The following ARHGAP6 variants were observed in gnomAD, a reference collection of about 807,000 sequenced individuals.
ARHGAP6 encodes Rho GTPase activating protein 6.
A neutral mutation model predicts 55.7 loss-of-function variants in ARHGAP6; 16 were observed. The observed-to-expected ratio is 0.29, with a 90% CI of 0.19 to 0.44. The LOEUF (loss-of-function observed/expected upper bound fraction) is 0.44. Among genes scored for constraint, ARHGAP6 ranks in the 20% least tolerant of loss-of-function variants. The pLI is 1.00. For synonymous variants in ARHGAP6, 382 were observed against 360.9 expected, an observed-to-expected ratio of 1.06 and a Z score of -0.66; for missense variants, 698 against 808.9, an observed-to-expected ratio of 0.86 and a Z score of 1.66.
intron 1 of ARHGAP6, among the ~76,000 whole-genome samples, chrX:11,346,922 AAAAC>A (rs762899705): frequency 0.04 from 4,375 of 108,317 alleles, 108 homozygotes; most frequent in Admixed American, 0.088. Context: ...TTTCTCTTGA[AAAAC>A]AAACAAACAA....
chrX:11,640,974 T>A (rs1426270548), intron 1 of ARHGAP6, among the ~76,000 whole-genome samples: 1 of 111,429 alleles, frequency 9.0e-6, no homozygotes, highest in African/African-American at 3.3e-5. Context: ...TTAAGGCAGT[T>A]TTACATCACA....
chrX:11,515,514 AG>A (rs111653218), intron 1 of ARHGAP6, among the ~76,000 whole-genome samples: 10,619 of 111,182 alleles, frequency 0.096, 602 homozygotes, highest in African/African-American at 0.2. Context: ...TAACAACCAA[AG>A]CTTTCCCTCA....
chrX:11,653,490 C>T (rs139185834), intron 1 of ARHGAP6, among the ~76,000 whole-genome samples: 1 of 112,628 alleles, frequency 8.9e-6, no homozygotes, highest in East Asian at 2.8e-4. Flanking sequence ...AGTAGGTGCA[C>T]GATAACTATT....
rs1016005838 is a variant in ARHGAP6, at chrX:11,630,095, G to A, written c.588+34146C>T. 3.6e-5 allele frequency among the ~76,000 whole-genome samples: 4 copies of A among 110,961 alleles called. No homozygotes were observed. The Admixed American group carries it at 3.9e-4, about 11-fold the overall frequency. On this transcript the variant is annotated intron_variant, in intron 1 of 12. Coordinates refer to ENST00000337414, the MANE Select transcript of ARHGAP6 (RefSeq NM_013427.3). ...AGTTTCTGTTGTCTCAAAGTGACAAGCAATGGGTGGAAAGCTTTTGGGATA... is the reference window on the plus strand; with the variant it reads ...AGTTTCTGTTGTCTCAAAGTGACAAACAATGGGTGGAAAGCTTTTGGGATA...
chrX:11,604,903 G>A (rs192571823), intron 1 of ARHGAP6, among the ~76,000 whole-genome samples: 278 of 111,982 alleles, frequency 2.5e-3, no homozygotes, highest in Non-Finnish European at 3.2e-3. Context: ...CCCTTTCAGA[G>A]GAAGTGTAAT....
chrX:11,494,241 A>G (rs2050600623), intron 1 of ARHGAP6, among the ~76,000 whole-genome samples: 1 of 112,195 alleles, frequency 8.9e-6, no homozygotes, highest in Non-Finnish European at 1.9e-5. Flanking sequence ...GAACCACTGC[A>G]TTAAATGAAC....
intron 2 of ARHGAP6, among the ~76,000 whole-genome samples, chrX:11,240,257 A>C (rs772701682): frequency 8.9e-5 from 10 of 112,462 alleles, no homozygotes; most frequent in African/African-American, 2.9e-4. Flanking sequence ...TGAATTCAAA[A>C]TTGCTCCTTC....
intron 1 of ARHGAP6, among the ~76,000 whole-genome samples, chrX:11,526,781 CTTGTG>C (rs1174767789): frequency 9.0e-6 from 1 of 111,397 alleles, no homozygotes; most frequent in Non-Finnish European, 1.9e-5. Flanking sequence ...TTAGATGCTA[CTTGTG>C]TTGTGAAAAT....
At chrX:11,297,300 C>T (rs186211236) in intron 1 of ARHGAP6, among the ~76,000 whole-genome samples, 127 of 111,961 alleles carry the variant, frequency 1.1e-3, no homozygotes, top group African/African-American at 3.8e-3. Flanking sequence ...CGCAGAACAG[C>T]GGAATGCATG....
At chrX:11,355,653 T>C (rs1367375519) in intron 1 of ARHGAP6, among the ~76,000 whole-genome samples, 2 of 111,998 alleles carry the variant, frequency 1.8e-5, no homozygotes, top group Non-Finnish European at 3.8e-5. Flanking sequence ...CAGATAACCA[T>C]CTGATTATCC....
intron 1 of ARHGAP6, among the ~76,000 whole-genome samples, chrX:11,520,561 T>C (rs150892824): frequency 0.016 from 1,777 of 111,003 alleles, 35 homozygotes; most frequent in African/African-American, 0.056. Flanking sequence ...CAGTCTATCA[T>C]TGTTGGACAT....
chrX:11,334,867 CA>C, intron 1 of ARHGAP6: 1 of 153,265 alleles, frequency 6.5e-6, no homozygotes. Context: ...GGGTCCCAGG[CA>C]TGCAGGAGAA....
rs199928878 is a variant in ARHGAP6, at chrX:11,630,618, AGGATGGAT to A, written c.588+33615_588+33622del. Reference sequence around the variant, plus strand: ...GATGTTTGAGTTAATGATGAATGAAAGGATGGATGGATGGATGGATGGATGGACAGACA... The same window carrying A: ...GATGTTTGAGTTAATGATGAATGAAAGGATGGATGGATGGATGGACAGACA... On this transcript the variant is annotated intron_variant, in intron 1 of 12. Transcript: ENST00000337414. Among the ~76,000 whole-genome samples, 70 of 111,233 alleles carry A rather than the reference AGGATGGAT, an allele frequency of 6.3e-4. 1 individual carries two copies. The East Asian group carries it at 8.7e-3, about 14-fold the overall frequency.
chrX:11,174,933 C>T (rs754367313), intron 8 of ARHGAP6, among the ~76,000 whole-genome samples: 238 of 109,425 alleles, frequency 2.2e-3, no homozygotes, highest in African/African-American at 7.3e-3. Flanking sequence ...CCTCGTGATC[C>T]GCCCACCTCG....
chrX:11,646,229 T>G (rs770854231), intron 1 of ARHGAP6, among the ~76,000 whole-genome samples: 11 of 111,341 alleles, frequency 9.9e-5, no homozygotes, highest in African/African-American at 3.3e-4. Flanking sequence ...CAACCACCTC[T>G]CTCCATGTAA....
chrX:11,510,114 GA>G (rs1216103411), intron 1 of ARHGAP6, among the ~76,000 whole-genome samples: 1 of 111,991 alleles, frequency 8.9e-6, no homozygotes, highest in Non-Finnish European at 1.9e-5. Flanking sequence ...TTTCCTGCAT[GA>G]CAGATATCGG....
At chrX:11,534,880 G>A (rs1170956639) in intron 1 of ARHGAP6, among the ~76,000 whole-genome samples, 1 of 111,087 alleles carries the variant, frequency 9.0e-6, no homozygotes. Context: ...AACCCTAACA[G>A]CACATCTCAA....
intron 1 of ARHGAP6, among the ~76,000 whole-genome samples, chrX:11,346,259 A>C (rs746544437): frequency 6.2e-5 from 7 of 112,190 alleles, no homozygotes; most frequent in African/African-American, 2.3e-4. Context: ...CTGTGAATAC[A>C]GTATTAATTT....
intron 10 of ARHGAP6, among the ~76,000 whole-genome samples, chrX:11,151,733 C>T (rs781071340): frequency 8.9e-6 from 1 of 112,125 alleles, no homozygotes; most frequent in South Asian, 3.7e-4. Context: ...TTTTCTTGTT[C>T]TTGGTTTTAC....
Sources: allele counts gnomAD v4.1 joint callset (sites outside exome capture counted in the v4.1 genomes callset), GRCh38; gene constraint gnomAD v4.1.1; transcripts MANE v1.5; gene names NCBI Gene and HGNC (gene_info 2026-07-23, HGNC 2026-07-21).